Variants in IMMP2L observed in about 807,000 individuals in gnomAD.
IMMP2L encodes the protein mitochondrial inner membrane protease subunit 2.
A neutral mutation model predicts 19.3 loss-of-function variants in IMMP2L; 18 were observed. That is an observed-to-expected ratio of 0.93 (90% CI 0.64 to 1.38). The LOEUF (loss-of-function observed/expected upper bound fraction) is 1.38, where lower values mean the gene tolerates loss of function less well. Ranked by LOEUF, IMMP2L falls within the 40% of genes most tolerant of loss-of-function variation. The pLI, the probability that IMMP2L is intolerant of heterozygous loss-of-function variation, is 0.00. For missense variants in IMMP2L, 233 were observed against 218.2 expected, an observed-to-expected ratio of 1.07 and a Z score of -0.43; for synonymous variants, 76 against 73.0, an observed-to-expected ratio of 1.04 and a Z score of -0.21.
At chr7:111,543,298 T>C (rs1848640777) in intron 1 of IMMP2L, among the ~76,000 whole-genome samples, 1 of 152,156 alleles carries the variant, frequency 6.6e-6, no homozygotes, top group African/African-American at 2.4e-5. Flanking sequence ...ATAACCATAT[T>C]AGTGTGCTCT....
chr7:111,104,152 C>T (rs1271008264), intron 3 of IMMP2L, among the ~76,000 whole-genome samples: 2 of 151,532 alleles, frequency 1.3e-5, no homozygotes, highest in Admixed American at 1.3e-4. Context: ...CTGGAGGATA[C>T]CTTCCTTCAT....
At chr7:111,017,556 T>C (rs2129565492) in intron 3 of IMMP2L, among the ~76,000 whole-genome samples, 1 of 152,288 alleles carries the variant, frequency 6.6e-6, no homozygotes, top group Admixed American at 6.5e-5. Context: ...CACTCCCAGA[T>C]ATGGAAATTG....
At chr7:111,319,463 C>T (rs1824450520) in intron 3 of IMMP2L, among the ~76,000 whole-genome samples, 2 of 151,894 alleles carry the variant, frequency 1.3e-5, no homozygotes, top group South Asian at 4.1e-4. Context: ...CTCCTTTTGG[C>T]TGGTGAGATG....
At chr7:110,890,805 T>C (rs758290638) in intron 4 of IMMP2L, among the ~76,000 whole-genome samples, 1 of 152,180 alleles carries the variant, frequency 6.6e-6, no homozygotes, top group Non-Finnish European at 1.5e-5. Context: ...CTAGGTCTTA[T>C]AAATGGAATA....
At position 111,444,029 on chromosome 7, in the gene IMMP2L, T is replaced by C. The variant is rs142023803; in HGVS notation, c.239+43209A>G. Among the ~76,000 whole-genome samples the C allele has an allele frequency of 2.4e-4, 36 of 152,278 alleles. 1 individual carries two copies. The East Asian group carries it at 6.9e-3, about 29-fold the overall frequency. On this transcript the variant is annotated intron_variant, in intron 3 of 5. Coordinates refer to ENST00000405709, the MANE Select transcript of IMMP2L (RefSeq NM_032549.4). ...ATTTCTCTGCAAATATCACAAAATA[T>C]TAAAAGTATAGGCTTGCTATGAAAG... is the stretch of plus-strand genomic sequence containing the variant.
In IMMP2L at chr7:111,304,536, C is replaced by T. The variant is rs1025056594; in HGVS notation, c.239+182702G>A. On this transcript the variant is annotated intron_variant, in intron 3 of 5. Transcript: ENST00000405709. Reference sequence around the variant, plus strand: ...AATGTGTATATATACATATATATAACGTGTGTATATATATGTGTGTGTGTA... The same window carrying T: ...AATGTGTATATATACATATATATAATGTGTGTATATATATGTGTGTGTGTA... 3.3e-5 allele frequency among the ~76,000 whole-genome samples: 5 copies of T among 151,230 alleles called. No homozygotes were observed. In the South Asian group the frequency reaches 1.0e-3, roughly 32 times the overall value.
chr7:111,161,989 G>A (rs144275531), intron 3 of IMMP2L, among the ~76,000 whole-genome samples: 2 of 152,064 alleles, frequency 1.3e-5, no homozygotes, highest in Non-Finnish European at 2.9e-5. Context: ...TAATATGTGA[G>A]TATGTGTGAG....
At chr7:111,019,603 C>T in intron 3 of IMMP2L, among the ~76,000 whole-genome samples, 1 of 152,136 alleles carries the variant, frequency 6.6e-6, no homozygotes, top group South Asian at 2.1e-4. Flanking sequence ...GGTCTTCTGT[C>T]TTCCTTTGAA....
In IMMP2L at chr7:111,274,918, A is replaced by C. The variant is rs138729536; in HGVS notation, c.239+212320T>G. On this transcript the variant is annotated intron_variant, in intron 3 of 5. Coordinates refer to ENST00000405709, the MANE Select transcript of IMMP2L (RefSeq NM_032549.4). ...TACCAGCATTCCCCATCAGTACGTAAAGCACTCACGCTTGATCATTTACAG... is the reference window on the plus strand; with the variant it reads ...TACCAGCATTCCCCATCAGTACGTACAGCACTCACGCTTGATCATTTACAG... Among the ~76,000 whole-genome samples the C allele has an allele frequency of 6.4e-3, 978 of 152,206 alleles. 6 individuals carry two copies. Among genetic ancestry groups the C allele is most frequent in the Middle Eastern group, 0.01 (3 of 294 alleles).
At chr7:111,143,205 G>C (rs1256342757) in intron 3 of IMMP2L, among the ~76,000 whole-genome samples, 3 of 152,158 alleles carry the variant, frequency 2.0e-5, no homozygotes, top group South Asian at 4.1e-4. Flanking sequence ...ATTTCAAAAA[G>C]AGGTGACAGA....
intron 3 of IMMP2L, among the ~76,000 whole-genome samples, chr7:111,024,500 T>C (rs1826618442): frequency 1.3e-5 from 2 of 152,198 alleles, no homozygotes; most frequent in African/African-American, 4.8e-5. Context: ...GGTTCCTCCT[T>C]TCTATGCTGC....
chr7:111,485,597 C>CAAAAAAAAAAAAAAAA (rs71147477), intron 3 of IMMP2L, among the ~76,000 whole-genome samples: 1 of 50,592 alleles, frequency 2.0e-5, no homozygotes, highest in African/African-American at 8.6e-5. Context: ...GACTCTGTTT[C>CAAAAAAAAAAAAAAAA]AAAAAAAAAA....
At chr7:111,097,207 T>A (rs922491191) in intron 3 of IMMP2L, 1 of 151,880 alleles carries the variant, frequency 6.6e-6, no homozygotes, top group African/African-American at 2.4e-5. Flanking sequence ...TGAGGAACAA[T>A]GGAAGAGGCA....
intron 3 of IMMP2L, among the ~76,000 whole-genome samples, chr7:110,986,477 G>A (rs1821870990): frequency 6.6e-6 from 1 of 152,100 alleles, no homozygotes; most frequent in Admixed American, 6.6e-5. Flanking sequence ...AAGATATGAA[G>A]GAGTCTATCT....
Position 111,261,369 on chromosome 7 carries a change from T to C in IMMP2L, c.239+225869A>G, listed in dbSNP as rs545117696. 3.3e-5 allele frequency among the ~76,000 whole-genome samples: 5 copies of C among 152,264 alleles called. No individual in the cohort carries two copies. In the South Asian group the frequency reaches 8.3e-4, roughly 25 times the overall value. ...TTCTTTGTGTATAGTACAAATGAAATTGGTGAAAACTAATTAAGGAATTAT... is the reference window on the plus strand; with the variant it reads ...TTCTTTGTGTATAGTACAAATGAAACTGGTGAAAACTAATTAAGGAATTAT... On this transcript the variant is annotated intron_variant, in intron 3 of 5. Coordinates refer to ENST00000405709, the MANE Select transcript of IMMP2L (RefSeq NM_032549.4).
At chr7:111,342,695 G>A (rs558584121) in intron 3 of IMMP2L, among the ~76,000 whole-genome samples, 12 of 151,932 alleles carry the variant, frequency 7.9e-5, no homozygotes, top group Non-Finnish European at 1.2e-4. Context: ...TTATAATTAC[G>A]CAAATATAAT....
At chr7:110,785,474 C>A (rs1274743458) in intron 5 of IMMP2L, among the ~76,000 whole-genome samples, 1 of 151,826 alleles carries the variant, frequency 6.6e-6, no homozygotes, top group African/African-American at 2.4e-5. Context: ...GGACTATATA[C>A]AATGAGCTTG....
intron 5 of IMMP2L, among the ~76,000 whole-genome samples, chr7:110,766,581 T>TAAAAA (rs772192515): frequency 3.1e-5 from 3 of 96,786 alleles, no homozygotes; most frequent in African/African-American, 1.2e-4. Context: ...AGACTTCATT[T>TAAAAA]AAAAAAAAAA....
intron 3 of IMMP2L, among the ~76,000 whole-genome samples, chr7:111,300,859 ATGT>A (rs1312084290): frequency 9.2e-5 from 14 of 152,152 alleles, no homozygotes; most frequent in Non-Finnish European, 1.8e-4. Flanking sequence ...AACATTCAGG[ATGT>A]TGCCAGTTTG....
Sources: allele counts gnomAD v4.1 joint callset (sites outside exome capture counted in the v4.1 genomes callset), GRCh38; gene constraint gnomAD v4.1.1; transcripts MANE v1.5; gene names NCBI Gene and HGNC (gene_info 2026-07-23, HGNC 2026-07-21).